The following TEP1 variants were observed in gnomAD, a reference collection of about 807,000 sequenced individuals.
TEP1 encodes telomerase associated protein 1.
TEP1 carries 241 observed loss-of-function variants against 306.3 expected under a neutral mutation model. The ratio of observed to expected loss-of-function variants is 0.79; its 90% confidence interval spans 0.71 to 0.88. TEP1 has a LOEUF of 0.88. TEP1 is among the 40% of genes least tolerant of loss of function. The probability of loss-of-function intolerance (pLI) is 0.00; values close to 1 mark genes in which losing one functional copy is unlikely to be tolerated. For synonymous variants in TEP1, 1,289 were observed against 1,305.5 expected (o/e 0.99, Z 0.27); for missense variants, 3,051 against 3,276.1 (o/e 0.93, Z 1.68).
chr14:20,386,325 T>A, intron 19 of TEP1, 122 bp downstream of exon 19: 1 of 1,584,038 alleles, frequency 6.3e-7, no homozygotes, highest in Non-Finnish European at 8.6e-7. Flanking sequence ...CTTGTTAGTA[T>A]CCAAGGAGCG....
At position 20,384,150 on chromosome 14, in the gene TEP1, G is replaced by A. The variant is rs113216635; in HGVS notation, c.3422C>T (p.Pro1141Leu). The change falls in exon 24 of 55, where the codon CCG becomes CTG. Residue 1141 changes from proline to leucine, a missense_variant. This residue lies in a region of TEP1 where 1,507 missense variants were observed against 1,550.5 expected (regional missense o/e 0.97). Coordinates refer to ENST00000262715, the MANE Select transcript of TEP1 (RefSeq NM_007110.5). ...QATFQQLQKPPSPARPRLLQD... is the reference protein window; with the variant it reads ...QATFQQLQKPLSPARPRLLQD... ...AAGAAGGCGTGGCCGGGCAGGACTCGGTGGCTTCTGCAGCTGCTGGAAGGT... is the reference window on the plus strand; with the variant it reads ...AAGAAGGCGTGGCCGGGCAGGACTCAGTGGCTTCTGCAGCTGCTGGAAGGT... 9.3e-4 allele frequency: 1,498 copies of A among 1,614,120 alleles called. 13 individuals carry two copies. The African/African-American group carries it at 0.017, about 18-fold the overall frequency.
At chr14:20,369,872 AT>A (rs60087138) in intron 51 of TEP1, 93 bp from the exon 52 acceptor site, 102,253 of 694,392 alleles carry the variant, frequency 0.15, 6 homozygotes, top group East Asian at 0.19. Flanking sequence ...CTGGTCAGGA[AT>A]TTTTTTTTTT....
intron 12 of TEP1, among the ~76,000 whole-genome samples, chr14:20,392,346 G>A (rs1022791987): frequency 6.6e-6 from 1 of 152,196 alleles, no homozygotes; most frequent in African/African-American, 2.4e-5. Flanking sequence ...GAGAGATTAG[G>A]CTATTACTAC....
chr14:20,369,821 G>A (rs1884718643), intron 51 of TEP1, 42 bp from the exon 52 acceptor site: 5 of 1,506,604 alleles, frequency 3.3e-6, no homozygotes, highest in African/African-American at 1.4e-5. Context: ...ACCCATATGA[G>A]TCAACTTGTA....
Position 20,383,566 on chromosome 14 carries a change from C to G in TEP1, c.3789G>C (p.Leu1263=). 1 of 1,614,212 alleles carries G rather than the reference C, an allele frequency of 6.2e-7. No individual in the cohort carries two copies. Among genetic ancestry groups the G allele is most frequent in the Non-Finnish European group, 8.5e-7 (1 of 1,180,028 alleles). The change falls in exon 26 of 55, where the codon CTG becomes CTC. Residue 1263 remains leucine (L), a synonymous_variant. Coordinates refer to ENST00000262715, the MANE Select transcript of TEP1 (RefSeq NM_007110.5). ...CTAACCTATCAGCCCCATCGATGAT[C>G]AGGACCTGGGTCTGGCCAGGATGCA... ...ESLHPGQTQV[L]IIDGADRLVD... is the part of the protein sequence containing the mutation.
chr14:20,402,986 ATC>A (rs1227383931), intron 7 of TEP1, among the ~76,000 whole-genome samples: 2 of 151,868 alleles, frequency 1.3e-5, no homozygotes, highest in Non-Finnish European at 2.9e-5. Context: ...GTGAAACCCC[ATC>A]TCTACTAAAA....
chr14:20,386,281 G>T, intron 19 of TEP1, 86 bp from the exon 20 acceptor site: 1 of 1,601,504 alleles, frequency 6.2e-7, no homozygotes, highest in South Asian at 1.1e-5. Context: ...ACGGGGCCCT[G>T]ACTCGCAACT....
At chr14:20,378,731 C>A (rs774186294) in intron 37 of TEP1, 23 bp downstream of exon 37, 39 of 1,611,534 alleles carry the variant, frequency 2.4e-5, no homozygotes, top group Non-Finnish European at 3.1e-5. Flanking sequence ...GCCACTCTGA[C>A]CACTGCAGAC....
In TEP1 at chr14:20,378,368, G is replaced by A. The variant is rs751536418; in HGVS notation, c.5508+12C>T. On this transcript the variant is annotated intron_variant, in intron 38 of 54. Transcript: ENST00000262715. The stretch of plus-strand genomic sequence containing the variant: ...CTGTGCTTCCCCCAAGAGCAACACT[G>A]GACCTTCTTACCTTGGTGACTTTGA... 15 of 1,614,208 alleles carry A rather than the reference G, an allele frequency of 9.3e-6. No individual in the cohort carries two copies. Among genetic ancestry groups the A allele is most frequent in the Non-Finnish European group, 1.0e-5 (12 of 1,180,036 alleles).
intron 18 of TEP1, among the ~76,000 whole-genome samples, chr14:20,386,877 A>G (rs910992675): frequency 6.6e-6 from 1 of 151,856 alleles, no homozygotes. Context: ...CTGCTTGTTC[A>G]TGACAGCACT....
chr14:20,401,514 A>C lies in TEP1; in HGVS notation c.1334T>G (p.Val445Gly). 1 of 1,614,224 alleles carries C rather than the reference A, an allele frequency of 6.2e-7. No homozygotes were observed. Among genetic ancestry groups the C allele is most frequent in the South Asian group, 1.1e-5 (1 of 91,086 alleles). The change falls in exon 8 of 55, where the codon GTT (valine) becomes GGT (glycine). Residue 445 changes from valine to glycine, a missense_variant. Around this residue, in one of 3 missense-constraint regions of TEP1, gnomAD observed 1,507 missense variants for 1,550.5 expected, o/e 0.97. Transcript: ENST00000262715. Reference protein sequence around the residue: ...NPPRFTLKKLVQRLHIHKPAQ... With the variant: ...NPPRFTLKKLGQRLHIHKPAQ... Reference sequence around the variant, plus strand: ...AGGCTTGTGGATGTGCAGTCGCTGAACCAGCTTCTTCAGGGTGAACCTTGG... The same window carrying C: ...AGGCTTGTGGATGTGCAGTCGCTGACCCAGCTTCTTCAGGGTGAACCTTGG...
At chr14:20,405,693 G>A in intron 3 of TEP1, 108 bp from the exon 4 acceptor site, 4 of 1,307,592 alleles carry the variant, frequency 3.1e-6, no homozygotes, top group Non-Finnish European at 4.2e-6. Context: ...ATGGACCCGA[G>A]ATGTGGAGTC....
chr14:20,389,045 G>A (rs1220972445), intron 17 of TEP1, among the ~76,000 whole-genome samples, 193 bp downstream of exon 17: 3 of 152,084 alleles, frequency 2.0e-5, no homozygotes, highest in Non-Finnish European at 4.4e-5. Context: ...GTACTCGGGA[G>A]GCGGAGGCAG....
intron 15 of TEP1, among the ~76,000 whole-genome samples, chr14:20,390,384 C>T (rs1194969661): frequency 2.6e-5 from 4 of 152,176 alleles, no homozygotes; most frequent in Non-Finnish European, 2.9e-5. Context: ...TGCTCCTGAG[C>T]GTCTTTTCCC....
At chr14:20,401,323 G>A (rs1298754598) in intron 8 of TEP1, 134 bp downstream of exon 8, 2 of 1,390,214 alleles carry the variant, frequency 1.4e-6, no homozygotes, top group Non-Finnish European at 9.7e-7. Flanking sequence ...AATTGGAAAG[G>A]CAGTCATGTC....
chr14:20,384,477 C>T lies in TEP1; in HGVS notation c.3253G>A (p.Gly1085Ser), dbSNP rs776504339. ...YPCEWGGVAA[G>S]RPYVGGLEEF... is the part of the protein sequence containing the mutation. ...TCCAGCCCGCCAACATAGGGCCGGC[C>T]AGCTGCCACACCCCCCCACTCACAG... Residue 1085 changes from glycine (G) to serine (S), a missense_variant, in exon 23 of 55, where the codon GGC becomes AGC. Gly to Ser is a moderately conservative substitution (Grantham distance 56). Coordinates refer to ENST00000262715, the MANE Select transcript of TEP1 (RefSeq NM_007110.5). 2 of 1,614,134 alleles carry T rather than the reference C, an allele frequency of 1.2e-6. No individual in the cohort carries two copies. Among genetic ancestry groups the T allele is most frequent in the Non-Finnish European group, 1.7e-6 (2 of 1,180,020 alleles).
At position 20,395,698 on chromosome 14, in the gene TEP1, ACCTGAG is replaced by A. The variant is rs1878143075; in HGVS notation, c.1751-77_1751-72del. 4 of 1,551,016 alleles carry A rather than the reference ACCTGAG, an allele frequency of 2.6e-6. No homozygotes were observed. In the African/African-American group the frequency reaches 5.4e-5, roughly 21 times the overall value. On this transcript the variant is annotated intron_variant, in intron 11 of 54. Coordinates refer to ENST00000262715, the MANE Select transcript of TEP1 (RefSeq NM_007110.5). ...CTCATCTTTTCCTACCAGTAATGTG[ACCTGAG>A]CCCCAACCCTTGGGGCTGGCAAGTG...
Position 20,391,644 on chromosome 14 carries a change from T to C in TEP1, c.2052A>G (p.Thr684=), listed in dbSNP as rs746903948. 6.2e-7 allele frequency: 1 copy of C among 1,614,036 alleles called. No individual in the cohort carries two copies. The highest frequency in any genetic ancestry group is 1.7e-5 in the Admixed American group (1 of 59,998). The change falls in exon 13 of 55, where the codon ACA becomes ACG. Residue 684 remains threonine (T), a synonymous_variant. Coordinates refer to ENST00000262715, the MANE Select transcript of TEP1 (RefSeq NM_007110.5). ...LPGRTVLVYL[T]DANADRLCPK... is the part of the protein sequence containing the mutation. ...GACAGAGCCTGTCTGCATTAGCATC[T>C]GTCAGATAGACCAAGACAGTGCGGC...
intron 42 of TEP1, 72 bp downstream of exon 42, chr14:20,376,025 CAATGGGA>C: frequency 1.3e-6 from 2 of 1,559,472 alleles, no homozygotes; most frequent in Non-Finnish European, 1.7e-6. Flanking sequence ...CAGGAGGAAG[CAATGGGA>C]AATGGGTTGT....
Sources: allele counts gnomAD v4.1 joint callset (sites outside exome capture counted in the v4.1 genomes callset), GRCh38; gene constraint gnomAD v4.1.1; regional missense constraint gnomAD v4.1.1; transcripts MANE v1.5; gene names NCBI Gene and HGNC (gene_info 2026-07-23, HGNC 2026-07-21).